The following ANO3 variants were observed in gnomAD, a reference collection of about 807,000 sequenced individuals.
ANO3 encodes the protein anoctamin-3.
ANO3 carries 99 observed loss-of-function variants against 144.8 expected under a neutral mutation model. The observed-to-expected ratio is 0.68, with a 90% CI of 0.58 to 0.81. The LOEUF is 0.81. Ranked by LOEUF, ANO3 falls within the 30% of genes least tolerant of loss-of-function variation. The pLI is 0.00. For missense variants in ANO3, 905 were observed against 1,202.2 expected, an observed-to-expected ratio of 0.75 and a Z score of 3.66; for synonymous variants, 414 against 392.6, an observed-to-expected ratio of 1.05 and a Z score of -0.64.
intron 1 of ANO3, among the ~76,000 whole-genome samples, chr11:26,383,290 A>AT (rs562909980): frequency 2.8e-4 from 43 of 152,164 alleles, no homozygotes; most frequent in African/African-American, 1.0e-3. Flanking sequence ...ATGAAGCTTA[A>AT]TTTTTTTAAC....
At chr11:26,361,124 G>A (rs1400932614) in intron 1 of ANO3, among the ~76,000 whole-genome samples, 2 of 152,130 alleles carry the variant, frequency 1.3e-5, no homozygotes, top group Admixed American at 6.5e-5. Flanking sequence ...AACTATATCG[G>A]AGGTTAGTGC....
At chr11:26,327,258 AGG>A (rs1854908914), upstream of ANO3, among the ~76,000 whole-genome samples, 1 of 152,310 alleles carries the variant, frequency 6.6e-6, no homozygotes, top group South Asian at 2.1e-4. Context: ...TCTATTTTAA[AGG>A]ATTTCTTCTT....
At chr11:26,236,967 C>T (rs147002058) in intron 1 of ANO3, among the ~76,000 whole-genome samples, 19 of 151,726 alleles carry the variant, frequency 1.3e-4, no homozygotes, top group Non-Finnish European at 2.2e-4. Flanking sequence ...GCGTTCAAAA[C>T]CCAGTTATCT....
At chr11:26,384,944 A>G (rs1198719057) in intron 1 of ANO3, among the ~76,000 whole-genome samples, 4 of 152,176 alleles carry the variant, frequency 2.6e-5, no homozygotes, top group South Asian at 2.1e-4. Flanking sequence ...GATTTTGCCT[A>G]TTCAGGCTCT....
At chr11:26,605,491 A>G (rs1851909721) in intron 17 of ANO3, among the ~76,000 whole-genome samples, 1 of 152,210 alleles carries the variant, frequency 6.6e-6, no homozygotes, top group Non-Finnish European at 1.5e-5. Flanking sequence ...GAATAGTTAC[A>G]GAAGGAATGG....
At chr11:26,345,471 T>C (rs2133905422) in intron 1 of ANO3, among the ~76,000 whole-genome samples, 1 of 152,302 alleles carries the variant, frequency 6.6e-6, no homozygotes, top group East Asian at 1.9e-4. Flanking sequence ...GAGAATGGCT[T>C]GAATCCAGAG....
At chr11:26,355,011 C>CTTTTTT (rs5790571) in intron 1 of ANO3, among the ~76,000 whole-genome samples, 2 of 148,346 alleles carry the variant, frequency 1.3e-5, no homozygotes, top group Non-Finnish European at 1.5e-5. Context: ...AATTGTAACT[C>CTTTTTT]TTTTTTTTTT....
chr11:26,554,547 C>T (rs554808422), intron 13 of ANO3, among the ~76,000 whole-genome samples: 1 of 152,232 alleles, frequency 6.6e-6, no homozygotes, highest in East Asian at 1.9e-4. Context: ...CATACCCACC[C>T]ATGGTATATG....
At chr11:26,630,238 T>C (rs905361229) in intron 18 of ANO3, among the ~76,000 whole-genome samples, 1 of 152,224 alleles carries the variant, frequency 6.6e-6, no homozygotes, top group Non-Finnish European at 1.5e-5. Flanking sequence ...GTGGTTCTCC[T>C]TATATAATTA....
intron 14 of ANO3, chr11:26,566,932 A>T (rs1850611776): frequency 2.3e-6 from 2 of 884,262 alleles, no homozygotes; most frequent in East Asian, 6.4e-5. Context: ...TCTAAACAAG[A>T]TCTAGCCTAA....
chr11:26,575,888 C>T (rs963084615), intron 14 of ANO3, among the ~76,000 whole-genome samples: 4 of 152,052 alleles, frequency 2.6e-5, no homozygotes, highest in African/African-American at 9.7e-5. Context: ...CCTTCCAGTT[C>T]TAGCCAAACA....
chr11:26,655,597 C>G (rs1193419348), intron 24 of ANO3, among the ~76,000 whole-genome samples: 2 of 152,094 alleles, frequency 1.3e-5, no homozygotes, highest in African/African-American at 4.8e-5. Context: ...GTGTGCATCT[C>G]TCTCCCCTCT....
At chr11:26,479,461 C>T (rs1243044454) in intron 4 of ANO3, among the ~76,000 whole-genome samples, 1 of 152,082 alleles carries the variant, frequency 6.6e-6, no homozygotes, top group East Asian at 1.9e-4. Context: ...CTGGGGAGGC[C>T]TCATAATCAC....
chr11:26,457,905 A>G (rs531837291), intron 3 of ANO3, among the ~76,000 whole-genome samples: 68 of 152,146 alleles, frequency 4.5e-4, no homozygotes, highest in African/African-American at 1.5e-3. Flanking sequence ...TTTTTGTGAA[A>G]ATCTGTTTTT....
chr11:26,312,311 G>T (rs867929604), intron 1 of ANO3, among the ~76,000 whole-genome samples: 2 of 152,232 alleles, frequency 1.3e-5, no homozygotes, highest in African/African-American at 4.8e-5. Flanking sequence ...ACATGCGTTT[G>T]CATGTGTCTT....
At chr11:26,345,416 C>T (rs921358503) in intron 1 of ANO3, among the ~76,000 whole-genome samples, 6 of 152,036 alleles carry the variant, frequency 3.9e-5, no homozygotes, top group African/African-American at 1.4e-4. Flanking sequence ...TTTAGGGTAT[C>T]GTGGCATGTG....
At chr11:26,328,989 A>G (rs1378416052), upstream of ANO3, among the ~76,000 whole-genome samples, 2 of 151,980 alleles carry the variant, frequency 1.3e-5, no homozygotes, top group African/African-American at 4.8e-5. Flanking sequence ...TGTACTGTGT[A>G]TTATACATTA....
intron 3 of ANO3, among the ~76,000 whole-genome samples, chr11:26,448,650 A>G (rs1211133927): frequency 6.6e-6 from 1 of 152,210 alleles, no homozygotes; most frequent in African/African-American, 2.4e-5. Context: ...TGAAGATGGC[A>G]TAAGAAATAA....
intron 1 of ANO3, among the ~76,000 whole-genome samples, chr11:26,346,469 T>C (rs2133906613): frequency 6.6e-6 from 1 of 152,318 alleles, no homozygotes; most frequent in South Asian, 2.1e-4. Flanking sequence ...AAGACTCTCA[T>C]TGCATGCTAT....
Sources: allele counts gnomAD v4.1 joint callset (sites outside exome capture counted in the v4.1 genomes callset), GRCh38; gene constraint gnomAD v4.1.1; transcripts MANE v1.5; gene names NCBI Gene and HGNC (gene_info 2026-07-23, HGNC 2026-07-21).